The following CSNK1D variants were observed in gnomAD, a reference collection of about 807,000 sequenced individuals.
CSNK1D encodes casein kinase 1 delta.
Under a neutral mutation model 46.6 loss-of-function variants are expected in CSNK1D, and 16 were observed. The observed-to-expected ratio is 0.34, with a 90% CI of 0.23 to 0.52. The LOEUF (loss-of-function observed/expected upper bound fraction) is 0.52, where lower values mean the gene tolerates loss of function less well. Among genes scored for constraint, CSNK1D ranks in the 20% least tolerant of loss-of-function variants. CSNK1D has a pLI of 0.95. For missense variants in CSNK1D, 398 were observed against 578.4 expected (o/e 0.69, Z 3.20); for synonymous variants, 276 against 228.2 (o/e 1.21, Z -1.89).
downstream of CSNK1D, among the ~76,000 whole-genome samples, chr17:82,240,311 GGAGA>G (rs1226112228): frequency 6.6e-6 from 1 of 152,230 alleles, no homozygotes; most frequent in Non-Finnish European, 1.5e-5. Context: ...GCAGCTGAAG[GGAGA>G]AAGACGAGGA....
rs143843628 is a variant in CSNK1D at position 82,259,354 on chromosome 17, C to T, written c.188-3777G>A. 3.3e-3 allele frequency among the ~76,000 whole-genome samples: 505 copies of T among 152,336 alleles called. 9 individuals are homozygous for T. Among genetic ancestry groups the T allele is most frequent in the Non-Finnish European group, 4.3e-3 (291 of 68,034 alleles). The stretch of plus-strand genomic sequence containing the variant: ...GATCCCTATTTAGGAAATTACATCA[C>T]ATCACATGCCAGTAACAGCAGTTTT... On this transcript the variant is annotated intron_variant, in intron 2 of 8. Coordinates refer to ENST00000314028, the MANE Select transcript of CSNK1D (RefSeq NM_001893.6).
In CSNK1D at chr17:82,252,851, C is replaced by T. The variant is rs536978234; in HGVS notation, c.565+165G>A. On this transcript the variant is annotated intron_variant, in intron 4 of 8. Coordinates refer to ENST00000314028, the MANE Select transcript of CSNK1D (RefSeq NM_001893.6). The surrounding 1 kb of genome is among the most constrained non-coding windows in gnomAD (Gnocchi z 4.6). ...GGTGACTCAGAAATGTCCCAGCATC[C>T]GCCTGCCCCCATACACCTGGCAGTC... Among the ~76,000 whole-genome samples, 3 of 152,202 alleles carry T rather than the reference C, an allele frequency of 2.0e-5. No individual in the cohort carries two copies. Among genetic ancestry groups the T allele is most frequent in the Admixed American group, 1.3e-4 (2 of 15,288 alleles).
chr17:82,258,469 A>T (rs2051241199), intron 2 of CSNK1D, among the ~76,000 whole-genome samples: 1 of 152,086 alleles, frequency 6.6e-6, no homozygotes, highest in Non-Finnish European at 1.5e-5. Flanking sequence ...TTTGAGCATC[A>T]TGTTAGCACT....
chr17:82,253,212 G>A lies in CSNK1D; in HGVS notation c.369C>T (p.Asn123=), dbSNP rs766428984. 5.0e-6 allele frequency: 8 copies of A among 1,614,026 alleles called. No individual in the cohort carries two copies. The highest frequency in any genetic ancestry group is 1.3e-5 in the African/African-American group (1 of 74,924). ...CTGGCTTCACATCCCGGTGGATGAAGTTCTTTGAATGAATGTATTCGATGC... is the reference window on the plus strand; with the variant it reads ...CTGGCTTCACATCCCGGTGGATGAAATTCTTTGAATGAATGTATTCGATGC... The part of the protein sequence containing the change: ...ISRIEYIHSK[N]FIHRDVKPDN... Residue 123 remains asparagine, a synonymous_variant, in exon 4 of 9, where the codon AAC becomes AAT. Coordinates refer to ENST00000314028, the MANE Select transcript of CSNK1D (RefSeq NM_001893.6).
Position 82,249,568 on chromosome 17 carries a change from TC to T in CSNK1D, c.919del (p.Glu307SerfsTer9). The T allele has an allele frequency of 6.4e-7, 1 of 1,555,502 alleles. No individual in the cohort carries two copies. The stretch of plus-strand genomic sequence containing the variant: ...CAGCCGCTCCTCTCGGTCCCTGCGC[TC>T]CCGCTCGGCGTCATCGGCGGCCCGG... ...ASRAADDAER[E>X]RRDREERLRH... On this transcript the variant is annotated frameshift_variant, in exon 7 of 9. Transcript: ENST00000314028. LOFTEE classifies it high-confidence loss of function. The surrounding 1 kb of genome is among the most constrained non-coding windows in gnomAD (Gnocchi z 6.7).
Position 82,243,967 on chromosome 17 carries a change from A to G in CSNK1D, c.*814T>C, listed in dbSNP as rs2050787534. On this transcript the variant is annotated 3_prime_UTR_variant, in exon 9 of 9. Coordinates refer to ENST00000314028, the MANE Select transcript of CSNK1D (RefSeq NM_001893.6). ...CTGCCTGCCCACCTCCTGGGGAAGA[A>G]GCGCGCAGTGCTTTGCCTGGTAACA... 1.0e-6 allele frequency: 1 copy of G among 985,814 alleles called. No homozygotes were observed. Among genetic ancestry groups the G allele is most frequent in the Non-Finnish European group, 1.2e-6 (1 of 830,210 alleles). The allele number at this position is 985,814 out of a possible 1,614,324, so 61.1% of individuals were successfully genotyped here.
chr17:82,262,285 G>A (rs2051360147), intron 2 of CSNK1D, among the ~76,000 whole-genome samples: 1 of 152,198 alleles, frequency 6.6e-6, no homozygotes, highest in African/African-American at 2.4e-5. Context: ...AGTAGCCTGG[G>A]GGGCTAGAAT....
intron 3 of CSNK1D, chr17:82,253,728 C>A: frequency 2.9e-6 from 1 of 340,802 alleles, no homozygotes; most frequent in Non-Finnish European, 5.6e-6. Context: ...GTGAGCTGAG[C>A]CACCGAAGCC....
rs1242266121 is a variant in CSNK1D, at chr17:82,244,101, C to T, written c.*680G>A. On this transcript the variant is annotated 3_prime_UTR_variant, in exon 9 of 9. Coordinates refer to ENST00000314028, the MANE Select transcript of CSNK1D (RefSeq NM_001893.6). ...AATTACGGGAGGAGGGAGGGTGAGA[C>T]GCCAAAATCAGGTTGAAGAGGTCCC... The T allele has an allele frequency of 7.7e-5, 76 of 989,614 alleles. No homozygotes were observed. The highest frequency in any genetic ancestry group is 5.2e-4 in the Middle Eastern group (1 of 1,938). 61.3% of individuals were successfully genotyped at this position (989,614 alleles called of 1,614,324 possible).
intron 8 of CSNK1D, chr17:82,246,202 C>T (rs889531908): frequency 2.0e-6 from 3 of 1,525,110 alleles, no homozygotes; most frequent in Non-Finnish European, 2.6e-6. Context: ...ACTTGCCTCT[C>T]AGGACGGGCC....
At position 82,249,807 on chromosome 17, in the gene CSNK1D, T is replaced by C. The variant is rs568270516; in HGVS notation, c.886-205A>G. On this transcript the variant is annotated intron_variant, in intron 6 of 8. Coordinates refer to ENST00000314028, the MANE Select transcript of CSNK1D (RefSeq NM_001893.6). This position sits in a 1 kb window ranked among gnomAD's most constrained non-coding sequence, Gnocchi z 6.7. ...AGGGGTCAGAGCCAGGCCTCTCAGC[T>C]CCCCCAACAATCGAAAAAACCCCAC... 4 of 1,435,232 alleles carry C rather than the reference T, an allele frequency of 2.8e-6. No individual in the cohort carries two copies. The African/African-American group carries it at 5.7e-5, about 21-fold the overall frequency. 88.9% of individuals were successfully genotyped at this position (1,435,232 alleles called of 1,614,324 possible). A position where few individuals can be genotyped will look rare whatever the true frequency, so the allele number is the denominator to read the frequency against.
In CSNK1D at chr17:82,249,336, T is replaced by A; in HGVS notation, c.1057+95A>T. 2 of 1,290,312 alleles carry A rather than the reference T, an allele frequency of 1.6e-6. No homozygotes were observed. The highest frequency in any genetic ancestry group is 2.6e-5 in the South Asian group (2 of 78,320). The allele number at this position is 1,290,312 out of a possible 1,614,324, so 79.9% of individuals were successfully genotyped here. On this transcript the variant is annotated intron_variant, in intron 7 of 8. Coordinates refer to ENST00000314028, the MANE Select transcript of CSNK1D (RefSeq NM_001893.6). The surrounding 1 kb of genome is among the most constrained non-coding windows in gnomAD (Gnocchi z 6.7). ...GCATCGCCTGACACAGGGCACTTAGTGTCCACCACCAAGTACCCTGTTGTC... is the reference window on the plus strand; with the variant it reads ...GCATCGCCTGACACAGGGCACTTAGAGTCCACCACCAAGTACCCTGTTGTC...
chr17:82,249,290 C>G lies in CSNK1D; in HGVS notation c.1057+141G>C, dbSNP rs1033308588. The stretch of plus-strand genomic sequence containing the variant: ...TTCTAAAGGCGCCTGGGCAGCCTGG[C>G]TCATCCACCCTCAGGAGCGAGCATC... On this transcript the variant is annotated intron_variant, in intron 7 of 8. Coordinates refer to ENST00000314028, the MANE Select transcript of CSNK1D (RefSeq NM_001893.6). This position sits in a 1 kb window ranked among gnomAD's most constrained non-coding sequence, Gnocchi z 6.7. The G allele has an allele frequency of 2.1e-6, 2 of 960,080 alleles. No homozygotes were observed. Among genetic ancestry groups the G allele is most frequent in the African/African-American group, 1.6e-5 (1 of 61,100 alleles). 59.5% of individuals were successfully genotyped at this position (960,080 alleles called of 1,614,324 possible). A position where few individuals can be genotyped will look rare whatever the true frequency, so the allele number is the denominator to read the frequency against.
chr17:82,253,384 G>A (rs1274594727), intron 3 of CSNK1D, 140 bp from the exon 4 acceptor site: 2 of 775,734 alleles, frequency 2.6e-6, no homozygotes, highest in African/African-American at 3.4e-5. Flanking sequence ...TAGCGAGGGG[G>A]ATGCCGAACT....
intron 2 of CSNK1D, among the ~76,000 whole-genome samples, chr17:82,261,557 T>C (rs2051340378): frequency 6.6e-6 from 1 of 152,208 alleles, no homozygotes; most frequent in Admixed American, 6.5e-5. Flanking sequence ...TAAAATGATT[T>C]ATATAACTAA....
At position 82,251,005 on chromosome 17, in the gene CSNK1D, C is replaced by T. The variant is rs1401670856; in HGVS notation, c.885+374G>A. The stretch of plus-strand genomic sequence containing the variant: ...AGCACCTCACCAGGCCCCAACCCCA[C>T]TCATCTCGTGGGCACCACGACCATG... On this transcript the variant is annotated intron_variant, in intron 6 of 8. Coordinates refer to ENST00000314028, the MANE Select transcript of CSNK1D (RefSeq NM_001893.6). This position sits in a 1 kb window ranked among gnomAD's most constrained non-coding sequence, Gnocchi z 4.5. The T allele has an allele frequency of 5.9e-6, 2 of 340,214 alleles. No individual in the cohort carries two copies. Among genetic ancestry groups the T allele is most frequent in the East Asian group, 1.6e-4 (2 of 12,820 alleles). The allele number at this position is 340,214 out of a possible 1,614,324, so 21.1% of individuals were successfully genotyped here. A position where few individuals can be genotyped will look rare whatever the true frequency, so the allele number is the denominator to read the frequency against.
In CSNK1D at chr17:82,244,519, G is replaced by C; in HGVS notation, c.*262C>G. On this transcript the variant is annotated 3_prime_UTR_variant, in exon 9 of 9. Transcript: ENST00000314028. ...CCCTGGAAAAGGAGTCTGATTCTCT[G>C]CAATTCTCTCTCTGCTTTTCTTCCC... The C allele has an allele frequency of 1.4e-6, 2 of 1,437,114 alleles. No individual in the cohort carries two copies. Among genetic ancestry groups the C allele is most frequent in the Non-Finnish European group, 1.8e-6 (2 of 1,094,328 alleles). 89.0% of individuals were successfully genotyped at this position (1,437,114 alleles called of 1,614,324 possible). A position where few individuals can be genotyped will look rare whatever the true frequency, so the allele number is the denominator to read the frequency against.
chr17:82,270,164 G>A (rs1456835534), intron 1 of CSNK1D, among the ~76,000 whole-genome samples: 1 of 152,190 alleles, frequency 6.6e-6, no homozygotes, highest in Non-Finnish European at 1.5e-5. Context: ...CCAAAGCCTG[G>A]GCATTCAAGA....
rs1404771438 is a variant in CSNK1D at position 82,250,382 on chromosome 17, T to C, written c.886-780A>G. 7.5e-6 allele frequency: 3 copies of C among 398,700 alleles called. No homozygotes were observed. The highest frequency in any genetic ancestry group is 6.3e-5 in the African/African-American group (3 of 47,830). 24.7% of individuals were successfully genotyped at this position (398,700 alleles called of 1,614,324 possible). A position where few individuals can be genotyped will look rare whatever the true frequency, so the allele number is the denominator to read the frequency against. ...CCGCCCAGACTCCTCATGCTGCCAT[T>C]TACGGAAAACGCTGGCCTAGCCTGC... On this transcript the variant is annotated intron_variant, in intron 6 of 8. Coordinates refer to ENST00000314028, the MANE Select transcript of CSNK1D (RefSeq NM_001893.6). This position sits in a 1 kb window ranked among gnomAD's most constrained non-coding sequence, Gnocchi z 4.6.
Sources: gnomAD v4.1 joint callset for allele counts (sites outside exome capture counted in the v4.1 genomes callset) on GRCh38, gnomAD v4.1.1 for gene constraint, Gnocchi (gnomAD v3.1) non-coding constraint, MANE v1.5 for transcripts, NCBI Gene and HGNC (gene_info 2026-07-23, HGNC 2026-07-21) for gene names.